MAP9: variants seen among roughly 807,000 people sequenced by gnomAD.
MAP9 encodes the protein microtubule-associated protein 9.
Under a neutral mutation model 75.2 loss-of-function variants are expected in MAP9, and 80 were observed. That is an observed-to-expected ratio of 1.06 (90% CI 0.89 to 1.28). The LOEUF (loss-of-function observed/expected upper bound fraction) is 1.28, where lower values mean the gene tolerates loss of function less well. MAP9 is among the 50% of genes most tolerant of loss of function. The pLI is 0.00. For synonymous variants in MAP9, 235 were observed against 237.3 expected (o/e 0.99, Z 0.09); for missense variants, 753 against 719.9 (o/e 1.05, Z -0.53).
In MAP9 at chr4:155,360,207, C is replaced by CT. The variant is rs745886613; in HGVS notation, c.1010dup (p.Ser338GlufsTer17). 1.9e-6 allele frequency: 3 copies of CT among 1,612,638 alleles called. No homozygotes were observed. Among genetic ancestry groups the CT allele is most frequent in the East Asian group, 4.5e-5 (2 of 44,788 alleles). On this transcript the variant is annotated frameshift_variant, in exon 7 of 14. Transcript: ENST00000311277. LOFTEE classifies it high-confidence loss of function. ...TTGCACTGGTAGATATTAAGATACT[C>CT]TGAGATTTAGATAGTAGTGGATCAA...
At chr4:155,375,302 C>T (rs1471597838) in intron 2 of MAP9, among the ~76,000 whole-genome samples, 1 of 152,010 alleles carries the variant, frequency 6.6e-6, no homozygotes, top group South Asian at 2.1e-4. Flanking sequence ...ATAATTAGAG[C>T]TGGAGGGTAA....
rs774701191 is a variant in MAP9 at position 155,347,749 on chromosome 4, G to A, written c.*34C>T. 1.3e-5 allele frequency: 20 copies of A among 1,557,228 alleles called. No individual in the cohort carries two copies. The highest frequency in any genetic ancestry group is 1.6e-5 in the Non-Finnish European group (19 of 1,154,194). On this transcript the variant is annotated 3_prime_UTR_variant, in exon 14 of 14. Coordinates refer to ENST00000311277, the MANE Select transcript of MAP9 (RefSeq NM_001039580.2). ...AATCTATGGCTAATATTGGCAAACC[G>A]ATAAATAACCAAATAATGTAAGAAC...
rs1423788818 is a variant in MAP9 at position 155,346,431 on chromosome 4, G to C, written c.*1352C>G. On this transcript the variant is annotated 3_prime_UTR_variant, in exon 14 of 14. Transcript: ENST00000311277. ...AACGTTGATATTATGCAGAGGTCTT[G>C]ACAGAACTTGGCAGTCTCTGAGGCT... 2.6e-5 allele frequency: 4 copies of C among 152,156 alleles called. No homozygotes were observed. The highest frequency in any genetic ancestry group is 5.9e-5 in the Non-Finnish European group (4 of 68,032). The allele number at this position is 152,156 out of a possible 1,614,324, so 9.4% of individuals were successfully genotyped here. A position where few individuals can be genotyped will look rare whatever the true frequency, so the allele number is the denominator to read the frequency against.
In MAP9 at chr4:155,345,651, T is replaced by A. The variant is rs1327270802; in HGVS notation, c.*2132A>T. 1 of 152,170 alleles carries A rather than the reference T, an allele frequency of 6.6e-6. No homozygotes were observed. The highest frequency in any genetic ancestry group is 1.5e-5 in the Non-Finnish European group (1 of 68,008). The allele number at this position is 152,170 out of a possible 1,614,324, so 9.4% of individuals were successfully genotyped here. A position where few individuals can be genotyped will look rare whatever the true frequency, so the allele number is the denominator to read the frequency against. On this transcript the variant is annotated 3_prime_UTR_variant, in exon 14 of 14. Coordinates refer to ENST00000311277, the MANE Select transcript of MAP9 (RefSeq NM_001039580.2). ...ACAATGAACATTTAAGTCCTTATTA[T>A]GTGTCAAATAGTTTACATTAATTAA...
At chr4:155,353,432 T>G (rs10004913) in intron 10 of MAP9, 92 bp from the exon 11 acceptor site, 218,449 of 1,042,424 alleles carry the variant, frequency 0.21, 24,924 homozygotes, top group African/African-American at 0.47. Context: ...ACATATACAT[T>G]TATCTTTAGT....
chr4:155,359,061 C>T (rs1007767337), intron 7 of MAP9, among the ~76,000 whole-genome samples: 3 of 151,768 alleles, frequency 2.0e-5, no homozygotes, highest in African/African-American at 7.3e-5. Context: ...ATCCAGCAAC[C>T]CCACTGTGAG....
chr4:155,371,416 C>G (rs1732589021), intron 4 of MAP9, among the ~76,000 whole-genome samples: 1 of 151,774 alleles, frequency 6.6e-6, no homozygotes, highest in African/African-American at 2.4e-5. Flanking sequence ...ATCTTAGGAA[C>G]ACTAGCCTCA....
At chr4:155,359,554 C>G (rs1486931453) in intron 7 of MAP9, among the ~76,000 whole-genome samples, 1 of 151,904 alleles carries the variant, frequency 6.6e-6, no homozygotes, top group East Asian at 1.9e-4. Flanking sequence ...CAAAAAAGCA[C>G]TTGTAACCAT....
In MAP9 at chr4:155,353,187, C is replaced by T; in HGVS notation, c.1534G>A (p.Ala512Thr). The T allele has an allele frequency of 6.3e-7, 1 of 1,591,732 alleles. No homozygotes were observed. The highest frequency in any genetic ancestry group is 8.5e-7 in the Non-Finnish European group (1 of 1,171,800). The change falls in exon 11 of 14, where the codon GCA becomes ACA. Residue 512 changes from alanine to threonine, a missense_variant. By Grantham distance (58) the Ala-to-Thr change is moderately conservative (BLOSUM62 0). Coordinates refer to ENST00000311277, the MANE Select transcript of MAP9 (RefSeq NM_001039580.2). Reference sequence around the variant, plus strand: ...TGCAAAGTTCTGAATACTTGTAGTGCTTCTCCTTTTCTTGCAGCATTTTCT... The same window carrying T: ...TGCAAAGTTCTGAATACTTGTAGTGTTTCTCCTTTTCTTGCAGCATTTTCT... ...EEENAARKGEALQAFEKWKEK... is the reference protein window; with the variant it reads ...EEENAARKGETLQAFEKWKEK...
chr4:155,363,326 A>G (rs1016358414), intron 5 of MAP9: 3 of 152,088 alleles, frequency 2.0e-5, no homozygotes, highest in African/African-American at 7.2e-5. Flanking sequence ...AGAATACAGA[A>G]TCTCTACAAA....
chr4:155,372,071 T>C (rs1434436054), intron 4 of MAP9, among the ~76,000 whole-genome samples: 1 of 152,194 alleles, frequency 6.6e-6, no homozygotes, highest in East Asian at 1.9e-4. Context: ...GCTTAACTTA[T>C]TTGCTGAAGT....
Position 155,355,722 on chromosome 4 carries a change from A to C in MAP9, c.1284T>G (p.Val428=). 1 of 1,603,086 alleles carries C rather than the reference A, an allele frequency of 6.2e-7. No homozygotes were observed. The highest frequency in any genetic ancestry group is 8.5e-7 in the Non-Finnish European group (1 of 1,177,014). ...AAATATTTTCCTTTTTTACCTGATA[A>C]ACAGCTGCCCTTATGTTATCTGCTC... ...PDRADNIRAA[V]YQEWLEKKNV... is the part of the protein sequence containing the mutation. Residue 428 remains valine (V), a synonymous_variant, in exon 9 of 14, where the codon GTT becomes GTG. Coordinates refer to ENST00000311277, the MANE Select transcript of MAP9 (RefSeq NM_001039580.2).
At chr4:155,351,952 T>C (rs1043147583) in intron 13 of MAP9, among the ~76,000 whole-genome samples, 1 of 152,054 alleles carries the variant, frequency 6.6e-6, no homozygotes, top group African/African-American at 2.4e-5. Flanking sequence ...ATTACTTATA[T>C]AAACATGGAC....
At chr4:155,375,578 G>A (rs2111300518) in intron 2 of MAP9, among the ~76,000 whole-genome samples, 198 bp downstream of exon 2, 1 of 152,246 alleles carries the variant, frequency 6.6e-6, no homozygotes, top group African/African-American at 2.4e-5. Flanking sequence ...AACTAGTATT[G>A]AGGCTACTTT....
intron 10 of MAP9, among the ~76,000 whole-genome samples, chr4:155,354,714 C>T (rs1467251061): frequency 6.6e-6 from 1 of 152,100 alleles, no homozygotes; most frequent in African/African-American, 2.4e-5. Context: ...TCCCATCTGC[C>T]TTGGCCTCCC....
Position 155,347,909 on chromosome 4 carries a change from A to T in MAP9, c.1822-4T>A. On this transcript the variant is annotated splice_region_variant and splice_polypyrimidine_tract_variant and intron_variant, in intron 13 of 13. Transcript: ENST00000311277. ...TTTCTTGTTTTTCCTTATTTTCCTA[A>T]AGAGAAAATAGAACACTATAAATTT... The T allele has an allele frequency of 6.9e-7, 1 of 1,457,774 alleles. No individual in the cohort carries two copies. Among genetic ancestry groups the T allele is most frequent in the Non-Finnish European group, 9.5e-7 (1 of 1,057,830 alleles). 90.3% of individuals were successfully genotyped at this position (1,457,774 alleles called of 1,614,324 possible).
At chr4:155,370,602 G>C (rs1202390106) in intron 4 of MAP9, among the ~76,000 whole-genome samples, 1 of 152,076 alleles carries the variant, frequency 6.6e-6, no homozygotes, top group African/African-American at 2.4e-5. Context: ...TTGAGCCTCA[G>C]TTTAAGCAGA....
intron 6 of MAP9, chr4:155,360,912 A>G (rs1285599163): frequency 1.3e-5 from 2 of 156,142 alleles, no homozygotes; most frequent in African/African-American, 4.8e-5. Context: ...AGTGAGTTTC[A>G]TCTCACCAAG....
At position 155,353,324 on chromosome 4, in the gene MAP9, C is replaced by A. The variant is rs201383770; in HGVS notation, c.1397G>T (p.Arg466Ile). The A allele has an allele frequency of 1.2e-4, 194 of 1,565,312 alleles. 1 individual carries two copies. The East Asian group carries it at 4.4e-3, about 35-fold the overall frequency. ...IQNEQKKAAKREEALASFEAW... is the reference protein window; with the variant it reads ...IQNEQKKAAKIEEALASFEAW... ...CTCAAATGATGCTAATGCTTCTTCT[C>A]TTTTAGCAGCTTTTTTCTACAGTGG... Residue 466 changes from arginine (R) to isoleucine (I), a missense_variant, in exon 11 of 14, where the codon AGA (arginine) becomes ATA (isoleucine). Transcript: ENST00000311277.
Sources: allele counts gnomAD v4.1 joint callset (sites outside exome capture counted in the v4.1 genomes callset), GRCh38; gene constraint gnomAD v4.1.1; transcripts MANE v1.5; gene names NCBI Gene and HGNC (gene_info 2026-07-23, HGNC 2026-07-21).